The following MAGI1 variants were observed in gnomAD, a reference collection of about 807,000 sequenced individuals.
The protein encoded by MAGI1 is membrane associated guanylate kinase, WW and PDZ domain containing 1.
Under a neutral mutation model 139.9 loss-of-function variants are expected in MAGI1, and 58 were observed. The observed-to-expected ratio is 0.41, with a 90% CI of 0.34 to 0.52. The LOEUF (loss-of-function observed/expected upper bound fraction) is 0.52. Among genes scored for constraint, MAGI1 ranks in the 20% least tolerant of loss-of-function variants. MAGI1 has a pLI of 0.12. For synonymous variants in MAGI1, 812 were observed against 737.9 expected (o/e 1.10, Z -1.63); for missense variants, 1,874 against 1,901.6 (o/e 0.99, Z 0.27).
chr3:65,599,829 T>C (rs889083128), intron 2 of MAGI1, among the ~76,000 whole-genome samples: 3 of 152,158 alleles, frequency 2.0e-5, no homozygotes, highest in Admixed American at 6.6e-5. Context: ...ATCCTGGACC[T>C]GCCAGAAAAA....
At chr3:65,699,641 A>T (rs2089457695) in intron 1 of MAGI1, among the ~76,000 whole-genome samples, 1 of 147,984 alleles carries the variant, frequency 6.8e-6, no homozygotes, top group African/African-American at 2.5e-5. Context: ...AAAACCAAAC[A>T]CCTCATATGC....
At chr3:66,014,223 A>G (rs1040468811) in intron 1 of MAGI1, among the ~76,000 whole-genome samples, 14 of 152,220 alleles carry the variant, frequency 9.2e-5, no homozygotes, top group African/African-American at 2.9e-4. Context: ...TGTAAACCAG[A>G]TATTTCCCAA....
At chr3:65,492,170 A>T (rs1024329862) in intron 3 of MAGI1, among the ~76,000 whole-genome samples, 2 of 152,276 alleles carry the variant, frequency 1.3e-5, no homozygotes, top group African/African-American at 4.8e-5. Flanking sequence ...AGATACACAT[A>T]ATAACTTGAC....
chr3:65,641,083 T>G (rs886637829), intron 1 of MAGI1, among the ~76,000 whole-genome samples: 2 of 151,822 alleles, frequency 1.3e-5, no homozygotes, highest in African/African-American at 4.9e-5. Context: ...AATTGAGAAT[T>G]TTTGCTTTCT....
intron 1 of MAGI1, among the ~76,000 whole-genome samples, chr3:65,652,903 T>C (rs1304180462): frequency 6.6e-6 from 1 of 152,054 alleles, no homozygotes; most frequent in African/African-American, 2.4e-5. Flanking sequence ...TGCCCAAAAC[T>C]TCGGACAAGA....
chr3:65,972,078 TC>T (rs1243797406), intron 1 of MAGI1, among the ~76,000 whole-genome samples: 2 of 152,084 alleles, frequency 1.3e-5, no homozygotes, highest in African/African-American at 2.4e-5. Flanking sequence ...AGGCCCACCT[TC>T]CTCCAGCCTG....
chr3:65,668,213 A>T (rs765213908), intron 1 of MAGI1, among the ~76,000 whole-genome samples: 2 of 152,200 alleles, frequency 1.3e-5, no homozygotes, highest in Non-Finnish European at 2.9e-5. Flanking sequence ...AGAAGGGTTG[A>T]CGTGAGGTTT....
intron 1 of MAGI1, among the ~76,000 whole-genome samples, chr3:65,637,895 C>T (rs2084738307): frequency 6.6e-6 from 1 of 152,136 alleles, no homozygotes; most frequent in Non-Finnish European, 1.5e-5. Context: ...TATTGTCTGT[C>T]ATCCCCACCC....
chr3:65,718,719 C>A (rs2107678041), intron 1 of MAGI1: 1 of 151,964 alleles, frequency 6.6e-6, no homozygotes, highest in East Asian at 1.9e-4. Context: ...ACACTGAGGA[C>A]AACATAAAAA....
intron 14 of MAGI1, among the ~76,000 whole-genome samples, chr3:65,387,691 G>A (rs927057231): frequency 3.9e-5 from 6 of 152,132 alleles, no homozygotes; most frequent in Admixed American, 1.3e-4. Flanking sequence ...TTTCAAGCCA[G>A]AATAGTCTTA....
Position 65,604,631 on chromosome 3 carries a change from T to C in MAGI1, c.430+17341A>G, listed in dbSNP as rs192877969. ...TTATAAGAACCTTTGATTTCCATCA[T>C]ATAAGAAAAAAGAAACCAAAAACAC... On this transcript the variant is annotated intron_variant, in intron 2 of 22. Transcript: ENST00000402939. 1.2e-4 allele frequency among the ~76,000 whole-genome samples: 19 copies of C among 152,068 alleles called. No individual in the cohort carries two copies. The East Asian group carries it at 2.9e-3, about 23-fold the overall frequency.
Position 65,381,868 on chromosome 3 carries a change from AATAC to A in MAGI1, c.2701+5_2701+8del. On this transcript the variant is annotated splice_donor_5th_base_variant and intron_variant, in intron 16 of 22. Transcript: ENST00000402939. ...ACGCACTGTCTGAAGGAATGAATGA[AATAC>A]ATACCCGCAAAAACCACTTTACGCC... 1.2e-6 allele frequency: 2 copies of A among 1,602,046 alleles called. No individual in the cohort carries two copies. Among genetic ancestry groups the A allele is most frequent in the South Asian group, 1.1e-5 (1 of 88,630 alleles).
intron 1 of MAGI1, among the ~76,000 whole-genome samples, chr3:65,694,284 C>T (rs2088948485): frequency 6.6e-6 from 1 of 152,126 alleles, no homozygotes; most frequent in Non-Finnish European, 1.5e-5. Context: ...AAGTGTCATA[C>T]ACTGCACTAA....
chr3:65,804,059 A>C (rs914746497), intron 1 of MAGI1, among the ~76,000 whole-genome samples: 12 of 152,200 alleles, frequency 7.9e-5, no homozygotes, highest in Non-Finnish European at 1.3e-4. Flanking sequence ...GCATCTTTCC[A>C]AGAGAAAACT....
At chr3:65,530,979 G>GA (rs2078688972) in intron 2 of MAGI1, among the ~76,000 whole-genome samples, 1 of 150,750 alleles carries the variant, frequency 6.6e-6, no homozygotes, top group Admixed American at 6.7e-5. Flanking sequence ...TTGCATCTCT[G>GA]AAAAATAAGG....
intron 1 of MAGI1, among the ~76,000 whole-genome samples, chr3:65,684,652 C>CA (rs533031684): frequency 2.0e-5 from 3 of 151,892 alleles, no homozygotes; most frequent in Non-Finnish European, 2.9e-5. Flanking sequence ...CACATACGCA[C>CA]AAAAAAGTAT....
At chr3:65,571,237 C>G (rs1203405122) in intron 2 of MAGI1, among the ~76,000 whole-genome samples, 1 of 152,188 alleles carries the variant, frequency 6.6e-6, no homozygotes, top group East Asian at 1.9e-4. Context: ...ATTTTCCTCC[C>G]TTTACTCAAC....
intron 2 of MAGI1, among the ~76,000 whole-genome samples, chr3:65,520,451 C>T (rs2078100303): frequency 6.6e-6 from 1 of 152,138 alleles, no homozygotes; most frequent in Non-Finnish European, 1.5e-5. Context: ...TTTCCTGAAC[C>T]TCAGTCAGTT....
chr3:65,375,019 T>G (rs138418591), intron 18 of MAGI1, among the ~76,000 whole-genome samples: 8 of 152,302 alleles, frequency 5.3e-5, no homozygotes, highest in Non-Finnish European at 1.0e-4. Context: ...ACCATAGTAC[T>G]GGCTCTGAAT....
Sources: allele counts gnomAD v4.1 joint callset (sites outside exome capture counted in the v4.1 genomes callset), GRCh38; gene constraint gnomAD v4.1.1; transcripts MANE v1.5; gene names NCBI Gene and HGNC (gene_info 2026-07-23, HGNC 2026-07-21).